The following CELF2 variants were observed in gnomAD, a reference collection of about 807,000 sequenced individuals.
CELF2 encodes CUG triplet repeat RNA-binding protein 2.
A neutral mutation model predicts 62.6 loss-of-function variants in CELF2; 8 were observed. That is an observed-to-expected ratio of 0.13 (90% CI 0.07 to 0.23). CELF2 has a LOEUF of 0.23. CELF2 is among the 10% of genes least tolerant of loss of function. The pLI is 1.00. For missense variants in CELF2, 333 were observed against 671.0 expected (o/e 0.50, Z 5.56); for synonymous variants, 258 against 250.0 (o/e 1.03, Z -0.30).
At chr10:11,130,968 C>T (rs879461598) in intron 1 of CELF2, among the ~76,000 whole-genome samples, 8 of 152,290 alleles carry the variant, frequency 5.3e-5, no homozygotes, top group East Asian at 1.9e-4. Flanking sequence ...AACAAAGAGA[C>T]GCTCATGGAA....
At chr10:11,072,710 C>G (rs1038282200) in intron 1 of CELF2, among the ~76,000 whole-genome samples, 10 of 152,176 alleles carry the variant, frequency 6.6e-5, no homozygotes, top group African/African-American at 2.4e-5. Flanking sequence ...CCTGTGGAGT[C>G]TGTAGATGGT....
chr10:10,895,414 G>A (rs1014581635), intron 1 of CELF2, among the ~76,000 whole-genome samples: 13 of 152,164 alleles, frequency 8.5e-5, no homozygotes, highest in African/African-American at 2.7e-4. Context: ...CAAGAAAAAT[G>A]TAGAAAGTAT....
chr10:10,502,058 A>T, the CELF2 span, among the ~76,000 whole-genome samples: 2 of 152,226 alleles, frequency 1.3e-5, no homozygotes. Context: ...ATGGTGGATT[A>T]CATTAATTGA....
At position 11,182,604 on chromosome 10, in the gene CELF2, G is replaced by T. The variant is rs535023181; in HGVS notation, c.271+16922G>T. 7.8e-4 allele frequency among the ~76,000 whole-genome samples: 118 copies of T among 152,250 alleles called. 1 individual carries two copies. Among genetic ancestry groups the T allele is most frequent in the Non-Finnish European group, 1.4e-3 (97 of 68,022 alleles). On this transcript the variant is annotated intron_variant, in intron 2 of 12. Coordinates refer to ENST00000633077, the MANE Select transcript of CELF2 (RefSeq NM_001326342.2). ...GGGATCAGAGAAGAATTTGAGTCAA[G>T]GATAACAAAGAGGTATGAAGAGAAA...
the CELF2 span, among the ~76,000 whole-genome samples, chr10:10,660,537 T>C: frequency 2.6e-5 from 4 of 152,352 alleles, no homozygotes; most frequent in African/African-American, 7.2e-5. Context: ...GCAGCTGCTA[T>C]GCCTAGTACA....
chr10:10,785,697 G>A, the CELF2 span, among the ~76,000 whole-genome samples: 100 of 152,176 alleles, frequency 6.6e-4, no homozygotes, highest in Non-Finnish European at 9.3e-4. Context: ...GCAGAGAGTA[G>A]AAGAAGGGTG....
In CELF2 at chr10:11,270,846, C is replaced by T. The variant is rs372187948; in HGVS notation, c.777+22C>T. ...GGCGGTAAGTGCTGGGCAATGCCGGCGTGGTCTTCACCCGCTGAAACTCTG... is the reference window on the plus strand; with the variant it reads ...GGCGGTAAGTGCTGGGCAATGCCGGTGTGGTCTTCACCCGCTGAAACTCTG... On this transcript the variant is annotated intron_variant, in intron 7 of 12. Transcript: ENST00000633077. The surrounding 1 kb of genome is among the most constrained non-coding windows in gnomAD (Gnocchi z 5.8). The T allele has an allele frequency of 1.9e-5, 25 of 1,350,132 alleles. No individual in the cohort carries two copies. In the South Asian group the frequency reaches 2.2e-4, roughly 12 times the overall value. The allele number at this position is 1,350,132 out of a possible 1,614,324, so 83.6% of individuals were successfully genotyped here.
chr10:10,913,784 CAAAA>C (rs1564810994), intron 1 of CELF2, among the ~76,000 whole-genome samples: 3 of 138,712 alleles, frequency 2.2e-5, no homozygotes, highest in Non-Finnish European at 4.6e-5. Context: ...AGCTAGTTGA[CAAAA>C]GAAAGAAAGA....
At chr10:10,846,232 C>T (rs2059002458) in intron 1 of CELF2, 5 of 376,442 alleles carry the variant, frequency 1.3e-5, no homozygotes, top group Admixed American at 6.4e-5. Context: ...ATATGGCCTC[C>T]TCATATGCTA....
chr10:10,558,526 G>T, the CELF2 span, among the ~76,000 whole-genome samples: 1 of 152,054 alleles, frequency 6.6e-6, no homozygotes, highest in Non-Finnish European at 1.5e-5. Context: ...CCCGGCTTTG[G>T]TATCAGAATG....
intron 1 of CELF2, among the ~76,000 whole-genome samples, chr10:10,825,490 A>G (rs1203461583): frequency 6.6e-5 from 10 of 152,192 alleles, no homozygotes; most frequent in Non-Finnish European, 1.5e-4. Context: ...GATTACAGGC[A>G]TGAGCCACCG....
chr10:11,095,614 G>A (rs992915661), intron 1 of CELF2, among the ~76,000 whole-genome samples: 2 of 152,114 alleles, frequency 1.3e-5, no homozygotes, highest in African/African-American at 4.8e-5. Flanking sequence ...GTTGTCACTG[G>A]GAAACAGCAT....
At chr10:11,274,475 T>A (rs1379495239) in intron 7 of CELF2, among the ~76,000 whole-genome samples, 1 of 152,244 alleles carries the variant, frequency 6.6e-6, no homozygotes, top group African/African-American at 2.4e-5. Context: ...ACCAGATAGT[T>A]GTGAGTTTTG....
intron 2 of CELF2, among the ~76,000 whole-genome samples, chr10:11,182,138 G>A (rs1054701904): frequency 4.6e-5 from 7 of 152,242 alleles, no homozygotes; most frequent in African/African-American, 1.7e-4. Context: ...CCTCTGAGCA[G>A]CGTGCTCACC....
chr10:10,500,962 T>C, the CELF2 span, among the ~76,000 whole-genome samples: 1 of 152,230 alleles, frequency 6.6e-6, no homozygotes, highest in Admixed American at 6.5e-5. Context: ...GTAGTTATTA[T>C]TTATTGCTGT....
In CELF2 at chr10:10,846,267, C is replaced by T. The variant is rs555655961; in HGVS notation, c.53+47450C>T. The T allele has an allele frequency of 1.0e-4, 24 of 230,472 alleles. No individual in the cohort carries two copies. In the South Asian group the frequency reaches 1.4e-3, roughly 14 times the overall value. 14.3% of individuals were successfully genotyped at this position (230,472 alleles called of 1,614,324 possible). On this transcript the variant is annotated intron_variant, in intron 1 of 13. Coordinates refer to the CELF2 transcript ENST00000636488. Reference sequence around the variant, plus strand: ...AGGTTTCAGTGTTTTTTCCAAGCTCCTTCTTGCTTCCCAGGACTTGGTTTT... The same window carrying T: ...AGGTTTCAGTGTTTTTTCCAAGCTCTTTCTTGCTTCCCAGGACTTGGTTTT...
Position 11,332,887 on chromosome 10 carries a change from G to GCAAT in CELF2, c.*3837_*3840dup, listed in dbSNP as rs1471278000. The GCAAT allele has an allele frequency of 1.3e-4, 20 of 152,740 alleles. No individual in the cohort carries two copies. The highest frequency in any genetic ancestry group is 4.1e-4 in the African/African-American group (17 of 41,546). The allele number at this position is 152,740 out of a possible 1,614,324, so 9.5% of individuals were successfully genotyped here. On this transcript the variant is annotated 3_prime_UTR_variant, in exon 13 of 13. Transcript: ENST00000633077. ...TGAGGGCTATTTTGTACTTTCTGCA[G>GCAAT]CAATCAGCTTAATAACAACACTTAT... is the stretch of plus-strand genomic sequence containing the variant.
At chr10:11,261,858 G>A (rs1004090474) in intron 5 of CELF2, among the ~76,000 whole-genome samples, 2 of 152,214 alleles carry the variant, frequency 1.3e-5, no homozygotes, top group Non-Finnish European at 2.9e-5. Context: ...CAGAAGCAGA[G>A]CCTGAAGTTT....
chr10:11,211,920 A>C lies in CELF2; in HGVS notation c.272-5505A>C, dbSNP rs1047327327. On this transcript the variant is annotated intron_variant, in intron 2 of 12. Coordinates refer to ENST00000633077, the MANE Select transcript of CELF2 (RefSeq NM_001326342.2). The surrounding 1 kb of genome is among the most constrained non-coding windows in gnomAD (Gnocchi z 4.8). ...CAAAAATCTCATACCAGTGTCTCAA[A>C]TTATCTAACAGTTAAGCAGGCAAAA... Among the ~76,000 whole-genome samples the C allele has an allele frequency of 1.3e-5, 2 of 151,562 alleles. No individual in the cohort carries two copies. The highest frequency in any genetic ancestry group is 4.9e-5 in the African/African-American group (2 of 41,198).
Sources: allele counts gnomAD v4.1 joint callset (sites outside exome capture counted in the v4.1 genomes callset), GRCh38; gene constraint gnomAD v4.1.1; non-coding constraint Gnocchi (gnomAD v3.1); transcripts MANE v1.5; gene names NCBI Gene and HGNC (gene_info 2026-07-23, HGNC 2026-07-21).